Variants in ADAP2 observed in about 807,000 individuals in gnomAD.
ADAP2 encodes arf-GAP with dual PH domain-containing protein 2.
A neutral mutation model predicts 54.9 loss-of-function variants in ADAP2; 42 were observed. That is an observed-to-expected ratio of 0.77 (90% confidence interval 0.60 to 0.99). ADAP2 has a LOEUF of 0.99. Among genes scored for constraint, ADAP2 ranks in the 50% least tolerant of loss-of-function variants. The pLI, the probability that ADAP2 is intolerant of heterozygous loss-of-function variation, is 0.00. For missense variants in ADAP2, 429 were observed against 480.4 expected (o/e 0.89, Z 1.00); for synonymous variants, 177 against 180.1 (o/e 0.98, Z 0.14).
At chr17:30,932,090 G>A in intron 4 of ADAP2, 122 bp downstream of exon 4, 2 of 860,314 alleles carry the variant, frequency 2.3e-6, no homozygotes, top group South Asian at 1.6e-5. Flanking sequence ...TGTGGCCGCA[G>A]AGGCCAAGGT....
intron 6 of ADAP2, among the ~76,000 whole-genome samples, chr17:30,945,891 CG>C (rs1280488661): frequency 6.8e-6 from 1 of 147,108 alleles, no homozygotes; most frequent in Non-Finnish European, 1.5e-5. Flanking sequence ...CGGTGGCTCA[CG>C]CCTGTAATCC....
intron 9 of ADAP2, among the ~76,000 whole-genome samples, chr17:30,955,909 T>G (rs1905033137): frequency 6.6e-6 from 1 of 151,786 alleles, no homozygotes; most frequent in African/African-American, 2.4e-5. Flanking sequence ...TTCATAATAA[T>G]AATTAATAAT....
chr17:30,946,193 G>A (rs1912665248), intron 6 of ADAP2, among the ~76,000 whole-genome samples: 1 of 151,918 alleles, frequency 6.6e-6, no homozygotes, highest in African/African-American at 2.4e-5. Flanking sequence ...ATTGTAACGG[G>A]ATCCCAGGTG....
At chr17:30,926,027 T>C (rs1598023576) in intron 2 of ADAP2, among the ~76,000 whole-genome samples, 1 of 152,316 alleles carries the variant, frequency 6.6e-6, no homozygotes. Flanking sequence ...CCACTGTGCC[T>C]GGCCATTTTC....
chr17:30,953,233 G>T, intron 7 of ADAP2, 55 bp from the exon 8 acceptor site: 1 of 1,585,726 alleles, frequency 6.3e-7, no homozygotes, highest in Non-Finnish European at 8.7e-7. Flanking sequence ...AGCTCGGCGG[G>T]AACCTGGAGC....
intron 3 of ADAP2, among the ~76,000 whole-genome samples, chr17:30,930,843 G>A (rs1483057079): frequency 6.6e-6 from 1 of 152,140 alleles, no homozygotes; most frequent in African/African-American, 2.4e-5. Flanking sequence ...CAGGACTCAC[G>A]GATGACAATC....
chr17:30,935,045 C>T (rs1413182246), intron 5 of ADAP2, among the ~76,000 whole-genome samples: 1 of 151,844 alleles, frequency 6.6e-6, no homozygotes, highest in Non-Finnish European at 1.5e-5. Flanking sequence ...AGAGTGAGAC[C>T]CTGTCTCAAA....
At chr17:30,957,028 T>G (rs964969608) in intron 10 of ADAP2, 7 of 156,624 alleles carry the variant, frequency 4.5e-5, no homozygotes, top group African/African-American at 1.7e-4. Context: ...CATGCCGAGC[T>G]CCGGCAGGAA....
At chr17:30,945,848 TAAAA>T (rs60763338) in intron 6 of ADAP2, among the ~76,000 whole-genome samples, 1 of 117,908 alleles carries the variant, frequency 8.5e-6, no homozygotes. Flanking sequence ...GAAACTGCAT[TAAAA>T]AAAAAAAAAA....
intron 7 of ADAP2, among the ~76,000 whole-genome samples, chr17:30,951,509 AT>A (rs926565748): frequency 3.3e-5 from 5 of 151,586 alleles, no homozygotes; most frequent in African/African-American, 1.2e-4. Context: ...TTTTTTTTTA[AT>A]TTTTTATAGA....
intron 2 of ADAP2, among the ~76,000 whole-genome samples, chr17:30,924,866 G>T (rs139707232): frequency 0.045 from 6,665 of 146,896 alleles, 504 homozygotes; most frequent in African/African-American, 0.16. Context: ...TTTCTTTTTT[G>T]TTTTTTTTGT....
chr17:30,939,263 C>T (rs939126873), intron 5 of ADAP2, among the ~76,000 whole-genome samples: 2 of 152,152 alleles, frequency 1.3e-5, no homozygotes, highest in African/African-American at 4.8e-5. Context: ...ATCTGTTTTT[C>T]AGTCCTACGC....
At chr17:30,949,531 A>G (rs1598052327) in intron 7 of ADAP2, among the ~76,000 whole-genome samples, 161 bp downstream of exon 7, 2 of 151,882 alleles carry the variant, frequency 1.3e-5, no homozygotes, top group Admixed American at 6.6e-5. Context: ...GGCGGATCAC[A>G]AGGTCAGGAG....
intron 3 of ADAP2, among the ~76,000 whole-genome samples, chr17:30,927,476 C>A (rs571580505): frequency 6.6e-6 from 1 of 151,752 alleles, no homozygotes; most frequent in South Asian, 2.1e-4. Flanking sequence ...TTTAGCCGGG[C>A]GTGGTGGCGG....
chr17:30,933,220 C>T (rs1180906007), intron 4 of ADAP2, among the ~76,000 whole-genome samples: 1 of 152,122 alleles, frequency 6.6e-6, no homozygotes, highest in Non-Finnish European at 1.5e-5. Flanking sequence ...CAGGGTCTCA[C>T]TCTGTTACCC....
chr17:30,935,580 A>G (rs1911812251), intron 5 of ADAP2, among the ~76,000 whole-genome samples: 1 of 152,192 alleles, frequency 6.6e-6, no homozygotes. Context: ...AGAAGCCCTG[A>G]GCACAGGTAT....
intron 2 of ADAP2, among the ~76,000 whole-genome samples, chr17:30,925,934 T>C (rs151141503): frequency 6.6e-6 from 1 of 152,130 alleles, no homozygotes; most frequent in Non-Finnish European, 1.5e-5. Flanking sequence ...GGTTTCACCA[T>C]GTTGGTCAGG....
intron 5 of ADAP2, among the ~76,000 whole-genome samples, chr17:30,935,373 A>G (rs1439606185): frequency 6.6e-6 from 1 of 152,166 alleles, no homozygotes; most frequent in Non-Finnish European, 1.5e-5. Flanking sequence ...CGTCTCAAGA[A>G]AAAAAGAAGT....
At chr17:30,923,198 A>G (rs1353122917) in intron 2 of ADAP2, 128 bp downstream of exon 2, 2 of 1,084,340 alleles carry the variant, frequency 1.8e-6, no homozygotes, top group Non-Finnish European at 2.7e-6. Flanking sequence ...TAGAGGAAAC[A>G]CAGCTTATAA....
Sources: gnomAD v4.1 joint callset for allele counts (sites outside exome capture counted in the v4.1 genomes callset) on GRCh38, gnomAD v4.1.1 for gene constraint, MANE v1.5 for transcripts, NCBI Gene and HGNC (gene_info 2026-07-23, HGNC 2026-07-21) for gene names.